BMX: variants seen among roughly 807,000 people sequenced by gnomAD.
The protein encoded by BMX is cytoplasmic tyrosine-protein kinase BMX.
Under a neutral mutation model 59.2 loss-of-function variants are expected in BMX, and 31 were observed. That is an observed-to-expected ratio of 0.52 (90% CI 0.39 to 0.71). The LOEUF (loss-of-function observed/expected upper bound fraction) is 0.71. Among genes scored for constraint, BMX ranks in the 30% least tolerant of loss-of-function variants. The pLI is 0.00. For missense variants in BMX, 474 were observed against 491.7 expected (o/e 0.96, Z 0.34); for synonymous variants, 185 against 181.0 (o/e 1.02, Z -0.18).
At chrX:15,533,632 C>T (rs1925189951) in intron 11 of BMX, among the ~76,000 whole-genome samples, 2 of 111,828 alleles carry the variant, frequency 1.8e-5, no homozygotes, top group African/African-American at 3.2e-5. Flanking sequence ...CTTAAATCAA[C>T]GTGCATCAAT....
intron 4 of BMX, 109 bp from the exon 5 acceptor site, chrX:15,516,003 G>C: frequency 9.6e-7 from 1 of 1,043,197 alleles, no homozygotes; most frequent in Non-Finnish European, 1.3e-6. Flanking sequence ...TACCTTGGTT[G>C]CTGGCCAAAT....
intron 1 of BMX, among the ~76,000 whole-genome samples, chrX:15,507,006 G>T (rs1201213931): frequency 8.9e-6 from 1 of 112,785 alleles, no homozygotes; most frequent in East Asian, 2.8e-4. Flanking sequence ...ATAAAAGCTG[G>T]TTTTCTTAAT....
chrX:15,511,408 A>T (rs374982760), intron 3 of BMX, 29 bp from the exon 4 acceptor site: 267 of 1,151,641 alleles, frequency 2.3e-4, no homozygotes, highest in Non-Finnish European at 3.1e-4. Context: ...GCAATTATAT[A>T]TAAACACACC....
rs1379154439 is a variant in BMX at position 15,527,271 on chromosome X, TATATATATATATACAC to T, written c.884+1178_884+1193del. 4.5e-3 allele frequency among the ~76,000 whole-genome samples: 165 copies of T among 36,757 alleles called. 1 individual carries two copies. The highest frequency in any genetic ancestry group is 0.017 in the African/African-American group (156 of 9,239). 31.9% of individuals were successfully genotyped at this position (36,757 alleles called of 115,157 possible). A position where few individuals can be genotyped will look rare whatever the true frequency, so the allele number is the denominator to read the frequency against. ...AAATATATATATATATATATATATA[TATATATATATATACAC>T]ACACACACACACACATATATATATA... On this transcript the variant is annotated intron_variant, in intron 9 of 18. Coordinates refer to ENST00000348343, the MANE Select transcript of BMX (RefSeq NM_203281.3).
intron 9 of BMX, among the ~76,000 whole-genome samples, chrX:15,529,647 A>G (rs1924971315): frequency 8.9e-6 from 1 of 112,812 alleles, no homozygotes; most frequent in Admixed American, 9.4e-5. Context: ...CTCTTGGAAT[A>G]TTCTTCATAG....
Position 15,542,087 on chromosome X carries a change from C to A in BMX, c.1500C>A (p.Tyr500Ter). 2 of 1,211,141 alleles carry A rather than the reference C, an allele frequency of 1.7e-6. No individual in the cohort carries two copies. The highest frequency in any genetic ancestry group is 2.2e-6 in the Non-Finnish European group (2 of 895,060). ...TAAGCAATGGCTGCTTGCTGAATTA[C>A]CTGAGGAGTCACGGAAAAGGACTTG... is the stretch of plus-strand genomic sequence containing the variant. ...EYISNGCLLN[Y>*]LRSHGKGLEP... The change falls in exon 15 of 19, where the codon TAC becomes TAA. Residue 500 changes from tyrosine to a stop codon, truncating the protein, a stop_gained. Coordinates refer to ENST00000348343, the MANE Select transcript of BMX (RefSeq NM_203281.3). LOFTEE classifies it high-confidence loss of function.
chrX:15,526,117 G>C, intron 9 of BMX, 22 bp downstream of exon 9: 2 of 1,178,361 alleles, frequency 1.7e-6, no homozygotes, highest in South Asian at 1.9e-5. Context: ...AAGTCTTCTG[G>C]GTTCTTCTAA....
chrX:15,545,344 T>C (rs1254308444), intron 16 of BMX, among the ~76,000 whole-genome samples: 1 of 112,430 alleles, frequency 8.9e-6, no homozygotes, highest in Non-Finnish European at 1.9e-5. Context: ...CCAACTGCCC[T>C]ACTTGGCCCT....
chrX:15,525,464 A>C (rs1924669675), intron 8 of BMX, 99 bp downstream of exon 8: 1 of 874,897 alleles, frequency 1.1e-6, no homozygotes. Flanking sequence ...CTTTCTACTT[A>C]AGGTAAATAT....
Position 15,531,907 on chromosome X carries a change from G to C in BMX, c.1019+500G>C, listed in dbSNP as rs1181600195. ...GTTCTCTACACAGCTTCCTTCCAGG[G>C]CTCTGTCCTCTTTGTGTGACTAAAA... On this transcript the variant is annotated intron_variant, in intron 11 of 18. Coordinates refer to ENST00000348343, the MANE Select transcript of BMX (RefSeq NM_203281.3). Among the ~76,000 whole-genome samples the C allele has an allele frequency of 3.6e-5, 4 of 111,536 alleles. No homozygotes were observed. The Middle Eastern group carries it at 0.014, about 385-fold the overall frequency.
chrX:15,506,665 T>C (rs1923753980), intron 1 of BMX, among the ~76,000 whole-genome samples: 1 of 111,485 alleles, frequency 9.0e-6, no homozygotes, highest in Admixed American at 9.5e-5. Context: ...TATGCAGAGT[T>C]TGCAATGGAA....
At chrX:15,546,762 A>G in intron 16 of BMX, 41 bp from the exon 17 acceptor site, 1 of 1,113,067 alleles carries the variant, frequency 9.0e-7, no homozygotes, top group African/African-American at 1.8e-5. Context: ...AGCCTGTACC[A>G]CCACGGCTTA....
At chrX:15,516,494 A>T in intron 5 of BMX, among the ~76,000 whole-genome samples, 1 of 111,919 alleles carries the variant, frequency 8.9e-6, no homozygotes, top group Non-Finnish European at 1.9e-5. Flanking sequence ...TGAATCATTA[A>T]TCAAGCAATG....
rs1434360801 is a variant in BMX, at chrX:15,520,776, G to A, written c.511-1570G>A. ...CAGTAGAGGGCTTATTTTCTGAATG[G>A]AGGAAATAAAAATCAGCTCTCTAGT... is the stretch of plus-strand genomic sequence containing the variant. On this transcript the variant is annotated intron_variant, in intron 6 of 18. Coordinates refer to ENST00000348343, the MANE Select transcript of BMX (RefSeq NM_203281.3). 7.2e-5 allele frequency among the ~76,000 whole-genome samples: 8 copies of A among 110,788 alleles called. 1 individual carries two copies. Among genetic ancestry groups the A allele is most frequent in the Non-Finnish European group, 1.3e-4 (7 of 52,870 alleles).
At chrX:15,543,773 C>T (rs774425689) in intron 16 of BMX, among the ~76,000 whole-genome samples, 1 of 111,623 alleles carries the variant, frequency 9.0e-6, no homozygotes, top group African/African-American at 3.2e-5. Flanking sequence ...TCTTGATGGG[C>T]ATTCTACCAC....
At chrX:15,507,541 T>G (rs1420034986) in intron 1 of BMX, 1 of 173,057 alleles carries the variant, frequency 5.8e-6, no homozygotes, top group African/African-American at 3.1e-5. Context: ...CTGCTCAACA[T>G]TGCTACTTTT....
Position 15,556,262 on chromosome X carries a change from C to G in BMX, c.*115C>G. On this transcript the variant is annotated 3_prime_UTR_variant, in exon 19 of 19. Coordinates refer to ENST00000348343, the MANE Select transcript of BMX (RefSeq NM_203281.3). ...TTTAGCTAGTTTTTAATAGTGTTCT[C>G]TGTATTGTCTATTATTTAGAAATGA... is the stretch of plus-strand genomic sequence containing the variant. The G allele has an allele frequency of 1.6e-6, 1 of 612,959 alleles. No homozygotes were observed. The highest frequency in any genetic ancestry group is 2.4e-6 in the Non-Finnish European group (1 of 417,635). 50.5% of individuals were successfully genotyped at this position (612,959 alleles called of 1,213,427 possible). A position where few individuals can be genotyped will look rare whatever the true frequency, so the allele number is the denominator to read the frequency against.
intron 1 of BMX, chrX:15,507,160 T>G: frequency 6.2e-5 from 8 of 128,103 alleles, no homozygotes; most frequent in Non-Finnish European, 1.1e-4. Context: ...CCCAGGCCAG[T>G]GAGAAGTGCC....
intron 9 of BMX, among the ~76,000 whole-genome samples, chrX:15,527,283 T>TATAGACAC (rs1285065649): frequency 6.1e-5 from 4 of 65,870 alleles, no homozygotes; most frequent in African/African-American, 2.7e-4. Context: ...TATATATATA[T>TATAGACAC]ACACACACAC....
Sources: gnomAD v4.1 joint callset for allele counts (sites outside exome capture counted in the v4.1 genomes callset) on GRCh38, gnomAD v4.1.1 for gene constraint, MANE v1.5 for transcripts, NCBI Gene and HGNC (gene_info 2026-07-23, HGNC 2026-07-21) for gene names.